Variants in KHDRBS3 observed in about 807,000 individuals in gnomAD.
KHDRBS3 encodes the protein KH domain-containing, RNA-binding, signal transduction-associated protein 3.
Under a neutral mutation model 45.6 loss-of-function variants are expected in KHDRBS3, and 23 were observed. The ratio of observed to expected loss-of-function variants is 0.50; its 90% CI spans 0.36 to 0.72. The LOEUF (loss-of-function observed/expected upper bound fraction) is 0.72, where lower values mean the gene tolerates loss of function less well. KHDRBS3 is among the 30% of genes least tolerant of loss of function. The pLI is 0.00. For synonymous variants in KHDRBS3, 162 were observed against 156.5 expected, an observed-to-expected ratio of 1.04 and a Z score of -0.26; for missense variants, 352 against 424.8, an observed-to-expected ratio of 0.83 and a Z score of 1.51.
intron 7 of KHDRBS3, among the ~76,000 whole-genome samples, chr8:135,615,921 G>A (rs1221140799): frequency 6.6e-6 from 1 of 152,134 alleles, no homozygotes; most frequent in Non-Finnish European, 1.5e-5. Flanking sequence ...GCAAGACTGA[G>A]CTTCTCACTA....
At chr8:135,616,906 C>T (rs1419930067) in intron 7 of KHDRBS3, among the ~76,000 whole-genome samples, 1 of 151,976 alleles carries the variant, frequency 6.6e-6, no homozygotes, top group Non-Finnish European at 1.5e-5. Flanking sequence ...TATATAGTCT[C>T]TTTTTGATGG....
intron 2 of KHDRBS3, among the ~76,000 whole-genome samples, chr8:135,534,293 C>A (rs928099591): frequency 6.6e-6 from 1 of 152,180 alleles, no homozygotes; most frequent in East Asian, 1.9e-4. Flanking sequence ...AGTTAGACCC[C>A]ATATACCAAA....
rs1279912992 is a variant in KHDRBS3, at chr8:135,625,412, C to T, written c.890+18375C>T. 1.8e-5 allele frequency: 14 copies of T among 777,458 alleles called. No individual in the cohort carries two copies. The Admixed American group carries it at 2.4e-4, about 13-fold the overall frequency. 48.2% of individuals were successfully genotyped at this position (777,458 alleles called of 1,614,324 possible). A position where few individuals can be genotyped will look rare whatever the true frequency, so the allele number is the denominator to read the frequency against. ...GAGTGCTGCATCAACTCAGCTGCCT[C>T]ATCGTGCCCATTGCGCACACCAGGG... is the stretch of plus-strand genomic sequence containing the variant. On this transcript the variant is annotated intron_variant, in intron 7 of 8. Transcript: ENST00000355849.
intron 1 of KHDRBS3, among the ~76,000 whole-genome samples, chr8:135,506,125 C>G (rs1407948381): frequency 6.6e-6 from 1 of 152,130 alleles, no homozygotes; most frequent in Non-Finnish European, 1.5e-5. Context: ...TAATTCAAAC[C>G]TTGAGTATTC....
chr8:135,605,781 T>G (rs1239608408), intron 6 of KHDRBS3, among the ~76,000 whole-genome samples: 1 of 152,232 alleles, frequency 6.6e-6, no homozygotes, highest in Admixed American at 6.5e-5. Flanking sequence ...GTGTCAACTG[T>G]ATTGAAAATA....
intron 1 of KHDRBS3, among the ~76,000 whole-genome samples, chr8:135,487,048 A>G (rs561025475): frequency 1.3e-5 from 2 of 152,170 alleles, no homozygotes; most frequent in South Asian, 4.2e-4. Flanking sequence ...TCTTTCCTTT[A>G]TATTTCTTTA....
rs186964829 is a variant in KHDRBS3, at chr8:135,569,429, A to G, written c.611+11842A>G. Among the ~76,000 whole-genome samples, 215 of 152,298 alleles carry G rather than the reference A, an allele frequency of 1.4e-3. 1 individual carries two copies. The highest frequency in any genetic ancestry group is 2.4e-3 in the Non-Finnish European group (164 of 68,018). ...ATTATAGAATTGTCATTAAGCAAAAACTTTAGGTAACGACCAGGTAAGAGG... is the reference window on the plus strand; with the variant it reads ...ATTATAGAATTGTCATTAAGCAAAAGCTTTAGGTAACGACCAGGTAAGAGG... On this transcript the variant is annotated intron_variant, in intron 5 of 8. Transcript: ENST00000355849.
At chr8:135,607,136 A>G in intron 7 of KHDRBS3, 99 bp downstream of exon 7, 1 of 862,578 alleles carries the variant, frequency 1.2e-6, no homozygotes, top group South Asian at 2.0e-5. Context: ...AGAGAGGGTA[A>G]TTGGCTTGCC....
At chr8:135,536,248 T>G (rs943380576) in intron 2 of KHDRBS3, among the ~76,000 whole-genome samples, 13 of 112,908 alleles carry the variant, frequency 1.2e-4, no homozygotes, top group African/African-American at 7.2e-4. Flanking sequence ...TTTTTTTTTT[T>G]TTTTTTTTTT....
At chr8:135,513,469 G>A (rs898461449) in intron 1 of KHDRBS3, among the ~76,000 whole-genome samples, 2 of 152,104 alleles carry the variant, frequency 1.3e-5, no homozygotes, top group Admixed American at 6.5e-5. Context: ...TGACTTATAA[G>A]TTACTTTCTG....
In KHDRBS3 at chr8:135,529,539, A is replaced by C. The variant is rs778943758; in HGVS notation, c.207+8184A>C. Among the ~76,000 whole-genome samples, 6 of 152,326 alleles carry C rather than the reference A, an allele frequency of 3.9e-5. 1 individual carries two copies. The Middle Eastern group carries it at 0.01, about 259-fold the overall frequency. On this transcript the variant is annotated intron_variant, in intron 2 of 8. Transcript: ENST00000355849. ...AAATTTTCAGTAAAATTGAAACTTAAAGTGAAATCCAAAAACAGCCAGGCA... is the reference window on the plus strand; with the variant it reads ...AAATTTTCAGTAAAATTGAAACTTACAGTGAAATCCAAAAACAGCCAGGCA...
At chr8:135,649,455 A>T (rs1454051644), downstream of KHDRBS3, among the ~76,000 whole-genome samples, 1 of 152,262 alleles carries the variant, frequency 6.6e-6, no homozygotes, top group Non-Finnish European at 1.5e-5. Flanking sequence ...TATTTAATAT[A>T]TATGAAAAAT....
intron 1 of KHDRBS3, among the ~76,000 whole-genome samples, chr8:135,501,793 G>T (rs1823748124): frequency 6.6e-6 from 1 of 151,858 alleles, no homozygotes; most frequent in Non-Finnish European, 1.5e-5. Flanking sequence ...TCTTGTCCTT[G>T]CAAAATGACC....
chr8:135,467,326 C>T (rs1214892035), intron 1 of KHDRBS3, among the ~76,000 whole-genome samples: 2 of 152,166 alleles, frequency 1.3e-5, no homozygotes, highest in Admixed American at 1.3e-4. Context: ...TAAGGGCCTT[C>T]CCTTTCATAG....
chr8:135,532,587 C>T (rs771805650), intron 2 of KHDRBS3, among the ~76,000 whole-genome samples: 12 of 151,866 alleles, frequency 7.9e-5, no homozygotes, highest in South Asian at 4.2e-4. Flanking sequence ...TTTTTGTGTG[C>T]GAGGCATTAT....
At chr8:135,568,138 CTTTAA>C (rs1275749880) in intron 5 of KHDRBS3, among the ~76,000 whole-genome samples, 1 of 152,210 alleles carries the variant, frequency 6.6e-6, no homozygotes, top group Non-Finnish European at 1.5e-5. Flanking sequence ...CCTCACCCAA[CTTTAA>C]TTTAAAGAAT....
intron 2 of KHDRBS3, among the ~76,000 whole-genome samples, chr8:135,523,305 G>A (rs997481802): frequency 3.3e-5 from 5 of 152,058 alleles, no homozygotes; most frequent in African/African-American, 4.8e-5. Context: ...TATCAACAGC[G>A]CTTTGTACTT....
At chr8:135,461,789 C>A (rs1821445348) in intron 1 of KHDRBS3, among the ~76,000 whole-genome samples, 1 of 152,160 alleles carries the variant, frequency 6.6e-6, no homozygotes, top group Non-Finnish European at 1.5e-5. Context: ...TGCCAAGTTA[C>A]ATTTAGTTGT....
At chr8:135,556,586 T>C (rs577934793) in intron 4 of KHDRBS3, among the ~76,000 whole-genome samples, 4 of 152,228 alleles carry the variant, frequency 2.6e-5, no homozygotes, top group African/African-American at 9.6e-5. Context: ...GGTTGTTTGC[T>C]TTCTTCTTGT....
Sources: allele counts gnomAD v4.1 joint callset (sites outside exome capture counted in the v4.1 genomes callset), GRCh38; gene constraint gnomAD v4.1.1; transcripts MANE v1.5; gene names NCBI Gene and HGNC (gene_info 2026-07-23, HGNC 2026-07-21).